Variants in KCNMA1 observed in about 807,000 individuals in gnomAD.
KCNMA1 encodes potassium calcium-activated channel subfamily M alpha 1, also known as Calcium-activated potassium channel subunit alpha-1.
KCNMA1 carries 29 observed loss-of-function variants against 140.0 expected under a neutral mutation model. The ratio of observed to expected loss-of-function variants is 0.21; its 90% confidence interval spans 0.15 to 0.28. The LOEUF is 0.28. KCNMA1 is among the 10% of genes least tolerant of loss of function. The pLI, the probability that KCNMA1 is intolerant of heterozygous loss-of-function variation, is 1.00. For synonymous variants in KCNMA1, 612 were observed against 611.9 expected (o/e 1.00, Z 0.00); for missense variants, 880 against 1,602.2 (o/e 0.55, Z 7.70).
At chr10:77,047,833 G>A (rs2153614245) in intron 14 of KCNMA1, among the ~76,000 whole-genome samples, 1 of 152,208 alleles carries the variant, frequency 6.6e-6, no homozygotes, top group East Asian at 1.9e-4. Flanking sequence ...AATTGAGCAG[G>A]AAGTAAATGT....
chr10:77,546,433 C>T (rs1443340027), intron 1 of KCNMA1, among the ~76,000 whole-genome samples: 1 of 152,042 alleles, frequency 6.6e-6, no homozygotes, highest in African/African-American at 2.4e-5. Flanking sequence ...GATATAGGGG[C>T]CTTGTGTAGG....
chr10:77,486,781 A>G (rs1683437566), intron 1 of KCNMA1, among the ~76,000 whole-genome samples: 1 of 152,204 alleles, frequency 6.6e-6, no homozygotes, highest in African/African-American at 2.4e-5. Context: ...GGCCCTGTGC[A>G]TAATAAGAAG....
intron 20 of KCNMA1, among the ~76,000 whole-genome samples, chr10:76,962,986 A>G (rs773480795): frequency 3.9e-5 from 6 of 152,192 alleles, no homozygotes; most frequent in Non-Finnish European, 8.8e-5. Context: ...ATTAGGACAC[A>G]GAGCATTTGC....
At chr10:77,581,460 C>T (rs1567681722) in intron 1 of KCNMA1, among the ~76,000 whole-genome samples, 1 of 152,190 alleles carries the variant, frequency 6.6e-6, no homozygotes, top group Non-Finnish European at 1.5e-5. Context: ...TGCCCGCCAC[C>T]ACGCCTGTTT....
chr10:77,539,772 G>A (rs1171305789), intron 1 of KCNMA1, among the ~76,000 whole-genome samples: 1 of 152,196 alleles, frequency 6.6e-6, no homozygotes, highest in African/African-American at 2.4e-5. Context: ...CTGGGAGAAA[G>A]CAAAGCAAAA....
intron 18 of KCNMA1, among the ~76,000 whole-genome samples, chr10:77,002,848 A>G (rs1229799952): frequency 6.6e-6 from 1 of 152,194 alleles, no homozygotes; most frequent in African/African-American, 2.4e-5. Flanking sequence ...ATTTATTCTA[A>G]GCATTACTGC....
chr10:77,393,173 T>A (rs962160064), intron 2 of KCNMA1, among the ~76,000 whole-genome samples: 3 of 152,202 alleles, frequency 2.0e-5, no homozygotes, highest in Non-Finnish European at 4.4e-5. Flanking sequence ...TCTGGATGGA[T>A]CCAAACCAGG....
chr10:77,234,538 G>A (rs1403940769), intron 3 of KCNMA1, among the ~76,000 whole-genome samples: 1 of 152,156 alleles, frequency 6.6e-6, no homozygotes, highest in East Asian at 1.9e-4. Flanking sequence ...TAAATCATTG[G>A]CTTAATGAAA....
chr10:77,343,578 C>T (rs1450898570), intron 2 of KCNMA1, among the ~76,000 whole-genome samples: 2 of 152,290 alleles, frequency 1.3e-5, no homozygotes, highest in Non-Finnish European at 2.9e-5. Context: ...CAACCAGATA[C>T]TGCTGTAGGC....
Position 76,885,601 on chromosome 10 carries a change from T to G in KCNMA1, c.*1665A>C, listed in dbSNP as rs1241842544. 7 of 985,302 alleles carry G rather than the reference T, an allele frequency of 7.1e-6. No individual in the cohort carries two copies. Among genetic ancestry groups the G allele is most frequent in the Non-Finnish European group, 8.4e-6 (7 of 829,898 alleles). 61.0% of individuals were successfully genotyped at this position (985,302 alleles called of 1,614,324 possible). On this transcript the variant is annotated 3_prime_UTR_variant, in exon 28 of 28. Coordinates refer to ENST00000286628, the MANE Select transcript of KCNMA1 (RefSeq NM_001161352.2). ...TTAGAGATGGTACAGCTGTGACATGTTTTCCTCCTCCCTTTTACCCCTATT... is the reference window on the plus strand; with the variant it reads ...TTAGAGATGGTACAGCTGTGACATGGTTTCCTCCTCCCTTTTACCCCTATT...
At chr10:77,600,763 A>T (rs536158907) in intron 1 of KCNMA1, among the ~76,000 whole-genome samples, 1 of 150,480 alleles carries the variant, frequency 6.6e-6, no homozygotes, top group Non-Finnish European at 1.5e-5. Flanking sequence ...ACACACACAC[A>T]CACATGCACA....
chr10:77,590,641 G>A (rs1168915072), intron 1 of KCNMA1, among the ~76,000 whole-genome samples: 3 of 152,238 alleles, frequency 2.0e-5, no homozygotes, highest in Non-Finnish European at 4.4e-5. Flanking sequence ...CTCCCACAGT[G>A]CAGCAGCGGT....
At chr10:76,918,023 G>C (rs1242411195) in intron 23 of KCNMA1, among the ~76,000 whole-genome samples, 1 of 152,144 alleles carries the variant, frequency 6.6e-6, no homozygotes, top group African/African-American at 2.4e-5. Context: ...TGATAAAGGG[G>C]CAGGTCTAAA....
At chr10:77,088,987 C>T (rs1192640447) in intron 10 of KCNMA1, among the ~76,000 whole-genome samples, 3 of 152,204 alleles carry the variant, frequency 2.0e-5, no homozygotes. Flanking sequence ...ATGCCCAACT[C>T]ATGTGGGGGC....
chr10:76,949,100 T>G, intron 22 of KCNMA1, 42 bp downstream of exon 22: 1 of 1,413,392 alleles, frequency 7.1e-7, no homozygotes, highest in Non-Finnish European at 1.0e-6. Context: ...CTTTTGTGAA[T>G]GAAAAGAAGA....
At chr10:77,416,650 C>T (rs772813742) in intron 1 of KCNMA1, among the ~76,000 whole-genome samples, 11 of 152,290 alleles carry the variant, frequency 7.2e-5, no homozygotes, top group South Asian at 4.1e-4. Context: ...GAAGGGAACA[C>T]GGTCATCCCC....
At chr10:77,296,816 T>C (rs187687446) in intron 2 of KCNMA1, among the ~76,000 whole-genome samples, 51 of 149,158 alleles carry the variant, frequency 3.4e-4, no homozygotes, top group Middle Eastern at 3.4e-3. Flanking sequence ...ATCAAGCTGA[T>C]GACATGGCGG....
intron 2 of KCNMA1, among the ~76,000 whole-genome samples, chr10:77,253,425 A>T (rs1029885768): frequency 6.6e-6 from 1 of 152,238 alleles, no homozygotes; most frequent in Non-Finnish European, 1.5e-5. Context: ...CTCAAAATCT[A>T]AGACCCCTGC....
intron 1 of KCNMA1, among the ~76,000 whole-genome samples, chr10:77,504,893 A>G (rs572105047): frequency 6.6e-6 from 1 of 152,344 alleles, no homozygotes; most frequent in African/African-American, 2.4e-5. Flanking sequence ...CTGGTTCTCC[A>G]GGAAAATGTG....
Sources: gnomAD v4.1 joint callset for allele counts (sites outside exome capture counted in the v4.1 genomes callset) on GRCh38, gnomAD v4.1.1 for gene constraint, MANE v1.5 for transcripts, NCBI Gene and HGNC (gene_info 2026-07-23, HGNC 2026-07-21) for gene names.